LRFN2: variants seen among roughly 807,000 people sequenced by gnomAD.
LRFN2 encodes leucine-rich repeat and fibronectin type-III domain-containing protein 2.
Under a neutral mutation model 37.3 loss-of-function variants are expected in LRFN2, and 18 were observed. The observed-to-expected ratio is 0.48, with a 90% CI of 0.33 to 0.72. The LOEUF (loss-of-function observed/expected upper bound fraction) is 0.72. Ranked by LOEUF, LRFN2 falls within the 30% of genes least tolerant of loss-of-function variation. The probability of loss-of-function intolerance (pLI) is 0.02; values close to 1 mark genes in which losing one functional copy is unlikely to be tolerated. For synonymous variants in LRFN2, 556 were observed against 466.6 expected (o/e 1.19, Z -2.47); for missense variants, 1,006 against 1,060.7 (o/e 0.95, Z 0.72).
At chr6:40,522,218 G>T (rs1027722775) in intron 1 of LRFN2, among the ~76,000 whole-genome samples, 3 of 152,184 alleles carry the variant, frequency 2.0e-5, no homozygotes, top group Non-Finnish European at 4.4e-5. Context: ...GGGACCGAAG[G>T]CCTACTGACT....
chr6:40,448,741 A>G (rs1764031940), intron 1 of LRFN2, among the ~76,000 whole-genome samples: 1 of 152,190 alleles, frequency 6.6e-6, no homozygotes, highest in East Asian at 1.9e-4. Flanking sequence ...CTTAATTCAC[A>G]CCATATACAT....
In LRFN2 at chr6:40,512,283, G is replaced by A. The variant is rs192947179; in HGVS notation, c.-19+74658C>T. On this transcript the variant is annotated intron_variant, in intron 1 of 2. Transcript: ENST00000338305. ...AGGTACTTACCCTCCCATTGCCCCCGCTTCCTGTGGATAACACTGCCACAT... is the reference window on the plus strand; with the variant it reads ...AGGTACTTACCCTCCCATTGCCCCCACTTCCTGTGGATAACACTGCCACAT... Among the ~76,000 whole-genome samples, 10 of 152,246 alleles carry A rather than the reference G, an allele frequency of 6.6e-5. No individual in the cohort carries two copies. In the South Asian group the frequency reaches 1.0e-3, roughly 16 times the overall value.
At chr6:40,417,689 G>C (rs1484705987) in intron 2 of LRFN2, among the ~76,000 whole-genome samples, 1 of 152,106 alleles carries the variant, frequency 6.6e-6, no homozygotes, top group Non-Finnish European at 1.5e-5. Context: ...CCTCAGTGAG[G>C]TTCCCAGGCT....
intron 1 of LRFN2, among the ~76,000 whole-genome samples, chr6:40,434,367 G>A (rs889844783): frequency 6.6e-6 from 1 of 152,158 alleles, no homozygotes; most frequent in African/African-American, 2.4e-5. Flanking sequence ...GCTTCTTGGG[G>A]CTTTACTGAT....
In LRFN2 at chr6:40,432,814, C is replaced by T; in HGVS notation, c.300G>A (p.Glu100=). The change falls in exon 2 of 3, where the codon GAG becomes GAA. Residue 100 remains glutamate, a synonymous_variant. Coordinates refer to ENST00000338305, the MANE Select transcript of LRFN2 (RefSeq NM_020737.3). ...HIQPFSFLDL[E]SLRSLHLDSN... is the part of the protein sequence containing the mutation. ...TGTCAAGATGCAGGGAGCGGAGGCTCTCGAGGTCCAGAAAGGAAAAGGGCT... is the reference window on the plus strand; with the variant it reads ...TGTCAAGATGCAGGGAGCGGAGGCTTTCGAGGTCCAGAAAGGAAAAGGGCT... The T allele has an allele frequency of 6.2e-7, 1 of 1,614,198 alleles. No individual in the cohort carries two copies. Among genetic ancestry groups the T allele is most frequent in the Non-Finnish European group, 8.5e-7 (1 of 1,180,048 alleles).
rs199949744 is a variant in LRFN2, at chr6:40,392,166, C to A, written c.2147G>T (p.Gly716Val). ...GAAGGAGTGGCTGCGTTTGGCCTTGCCCTCCAACGGCAAGGGGAGCAGGCT... is the reference window on the plus strand; with the variant it reads ...GAAGGAGTGGCTGCGTTTGGCCTTGACCTCCAACGGCAAGGGGAGCAGGCT... ...ARSLLPLPLE[G>V]KAKRSHSFDM... The change falls in exon 3 of 3, where the codon GGC (glycine) becomes GTC (valine). Residue 716 changes from glycine to valine, a missense_variant. Coordinates refer to ENST00000338305, the MANE Select transcript of LRFN2 (RefSeq NM_020737.3). The surrounding 1 kb of genome is among the most constrained non-coding windows in gnomAD (Gnocchi z 4.7). 28 of 1,601,150 alleles carry A rather than the reference C, an allele frequency of 1.7e-5. No homozygotes were observed. In the East Asian group the frequency reaches 5.8e-4, roughly 33 times the overall value.
intron 1 of LRFN2, among the ~76,000 whole-genome samples, chr6:40,560,290 T>C (rs2113929166): frequency 6.6e-6 from 1 of 152,228 alleles, no homozygotes. Context: ...ACCACCCACC[T>C]TTTCAGGGAT....
At chr6:40,435,700 G>A (rs200859559) in intron 1 of LRFN2, among the ~76,000 whole-genome samples, 25 of 151,854 alleles carry the variant, frequency 1.6e-4, no homozygotes, top group African/African-American at 5.3e-4. Context: ...CACCACACCC[G>A]GCTAATTTTT....
intron 1 of LRFN2, among the ~76,000 whole-genome samples, chr6:40,523,078 A>G (rs2113902545): frequency 6.6e-6 from 1 of 152,260 alleles, no homozygotes; most frequent in South Asian, 2.1e-4. Flanking sequence ...AGTAGGTGTG[A>G]GCTTTCCTTT....
intron 1 of LRFN2, among the ~76,000 whole-genome samples, chr6:40,521,772 T>C (rs1766075298): frequency 1.3e-5 from 2 of 152,016 alleles, no homozygotes; most frequent in Admixed American, 1.3e-4. Context: ...CATCTTGGAA[T>C]AGAACAGAAT....
chr6:40,547,173 C>T (rs184900407), intron 1 of LRFN2, among the ~76,000 whole-genome samples: 39 of 150,146 alleles, frequency 2.6e-4, no homozygotes, highest in African/African-American at 8.6e-4. Context: ...GGCACGATCT[C>T]GGCTTACTGC....
chr6:40,435,585 C>T (rs1178696978), intron 1 of LRFN2, among the ~76,000 whole-genome samples: 1 of 152,038 alleles, frequency 6.6e-6, no homozygotes, highest in African/African-American at 2.4e-5. Context: ...GTCACCCAGG[C>T]TGGAGTACAG....
chr6:40,470,565 G>A (rs535273602), intron 1 of LRFN2, among the ~76,000 whole-genome samples: 6 of 151,774 alleles, frequency 4.0e-5, no homozygotes, highest in Admixed American at 2.0e-4. Context: ...AGCTGAGATC[G>A]TGTCCCTGCA....
Position 40,431,709 on chromosome 6 carries a change from C to A in LRFN2, c.1400+5G>T, listed in dbSNP as rs765158580. On this transcript the variant is annotated splice_donor_5th_base_variant and intron_variant, in intron 2 of 2. Coordinates refer to ENST00000338305, the MANE Select transcript of LRFN2 (RefSeq NM_020737.3). ...TCCCTGCCTTTGCCACAGCCGCTTG[C>A]TCACCTGTAAATCAGTACCTCATCG... 2 of 1,505,040 alleles carry A rather than the reference C, an allele frequency of 1.3e-6. No homozygotes were observed. The highest frequency in any genetic ancestry group is 1.8e-6 in the Non-Finnish European group (2 of 1,126,938). The allele number at this position is 1,505,040 out of a possible 1,614,324, so 93.2% of individuals were successfully genotyped here.
chr6:40,584,440 A>G (rs1767463865), intron 1 of LRFN2, among the ~76,000 whole-genome samples: 1 of 152,140 alleles, frequency 6.6e-6, no homozygotes, highest in African/African-American at 2.4e-5. Flanking sequence ...TATCCCTTCA[A>G]TAAGTTGGAC....
chr6:40,434,500 A>G (rs960368207), intron 1 of LRFN2, among the ~76,000 whole-genome samples: 1 of 147,114 alleles, frequency 6.8e-6, no homozygotes, highest in African/African-American at 2.5e-5. Context: ...TTTTTTTGAG[A>G]CGGAGTCTCA....
intron 1 of LRFN2, among the ~76,000 whole-genome samples, chr6:40,525,725 C>A (rs1197924936): frequency 6.6e-6 from 1 of 152,130 alleles, no homozygotes; most frequent in Admixed American, 6.5e-5. Flanking sequence ...GGTCAGTTGA[C>A]CCATCTCACC....
At chr6:40,421,444 C>G (rs189823152) in intron 2 of LRFN2, among the ~76,000 whole-genome samples, 139 of 152,180 alleles carry the variant, frequency 9.1e-4, no homozygotes, top group Middle Eastern at 3.4e-3. Context: ...ACTGGAAAGG[C>G]AAGAGGTGGG....
At chr6:40,481,201 G>A (rs1215319991) in intron 1 of LRFN2, among the ~76,000 whole-genome samples, 1 of 152,068 alleles carries the variant, frequency 6.6e-6, no homozygotes, top group African/African-American at 2.4e-5. Flanking sequence ...TTTGGGAGGT[G>A]GAGGCAGGAG....
Sources: gnomAD v4.1 joint callset for allele counts (sites outside exome capture counted in the v4.1 genomes callset) on GRCh38, gnomAD v4.1.1 for gene constraint, Gnocchi (gnomAD v3.1) non-coding constraint, MANE v1.5 for transcripts, NCBI Gene and HGNC (gene_info 2026-07-23, HGNC 2026-07-21) for gene names.